The following VPS54 variants were observed in gnomAD, a reference collection of about 807,000 sequenced individuals.
VPS54 encodes the protein vacuolar protein sorting-associated protein 54.
A neutral mutation model predicts 121.5 loss-of-function variants in VPS54; 45 were observed. That is an observed-to-expected ratio of 0.37 (90% CI 0.29 to 0.47). The LOEUF is 0.47. Ranked by LOEUF, VPS54 falls within the 20% of genes least tolerant of loss-of-function variation. The pLI is 0.99. For missense variants in VPS54, 1,090 were observed against 1,131.4 expected, an observed-to-expected ratio of 0.96 and a Z score of 0.52; for synonymous variants, 371 against 385.8, an observed-to-expected ratio of 0.96 and a Z score of 0.45.
intron 11 of VPS54, among the ~76,000 whole-genome samples, chr2:63,941,469 C>A (rs1343476778): frequency 6.6e-6 from 1 of 152,176 alleles, no homozygotes; most frequent in African/African-American, 2.4e-5. Context: ...TCAAGTGATC[C>A]TCTTGCCTTG....
chr2:64,002,468 G>A (rs1677930744), intron 1 of VPS54, among the ~76,000 whole-genome samples: 1 of 152,184 alleles, frequency 6.6e-6, no homozygotes, highest in Non-Finnish European at 1.5e-5. Flanking sequence ...GAAGTGTTAA[G>A]CCACAGACAT....
intron 1 of VPS54, among the ~76,000 whole-genome samples, chr2:64,008,375 T>C (rs549606073): frequency 2.0e-5 from 3 of 150,008 alleles, no homozygotes; most frequent in Admixed American, 6.6e-5. Context: ...GATCATGCCA[T>C]TGAACTCCAG....
chr2:63,903,368 T>C lies in VPS54; in HGVS notation c.2626-3787A>G, dbSNP rs530167970. Among the ~76,000 whole-genome samples, 7 of 152,320 alleles carry C rather than the reference T, an allele frequency of 4.6e-5. 2 individuals carry two copies. Among genetic ancestry groups the C allele is most frequent in the African/African-American group, 1.7e-4 (7 of 41,572 alleles). ...TCAAACAAAAACTGAGATGATTCATTGCTGGCAGATACATTCACAAGAAAT... is the reference window on the plus strand; with the variant it reads ...TCAAACAAAAACTGAGATGATTCATCGCTGGCAGATACATTCACAAGAAAT... On this transcript the variant is annotated intron_variant, in intron 20 of 22. Transcript: ENST00000272322.
At chr2:63,938,756 C>T (rs1254937836) in intron 11 of VPS54, among the ~76,000 whole-genome samples, 2 of 152,184 alleles carry the variant, frequency 1.3e-5, no homozygotes, top group African/African-American at 2.4e-5. Context: ...TGAGCCACCA[C>T]GCCAGGCCCA....
chr2:64,010,170 T>C (rs1023985108), intron 1 of VPS54, among the ~76,000 whole-genome samples: 10 of 152,186 alleles, frequency 6.6e-5, no homozygotes, highest in Non-Finnish European at 1.0e-4. Context: ...AATGAACTTT[T>C]TTAAAAAAAG....
At chr2:63,972,985 T>C (rs17562423) in intron 3 of VPS54, among the ~76,000 whole-genome samples, 17,773 of 151,006 alleles carry the variant, frequency 0.12, 1,189 homozygotes, top group Middle Eastern at 0.15. Context: ...CCACTAACAA[T>C]GTCATTATCT....
At chr2:63,950,704 G>A (rs1171456999) in intron 7 of VPS54, among the ~76,000 whole-genome samples, 1 of 152,162 alleles carries the variant, frequency 6.6e-6, no homozygotes, top group Non-Finnish European at 1.5e-5. Flanking sequence ...GCACAAAACA[G>A]TAAGAGATAG....
intron 2 of VPS54, among the ~76,000 whole-genome samples, chr2:63,983,634 G>T (rs1446472299): frequency 1.3e-5 from 2 of 150,030 alleles, no homozygotes; most frequent in African/African-American, 4.9e-5. Context: ...AGTAGAGACA[G>T]GGTTTCACCA....
chr2:63,966,035 C>G (rs550611893), intron 5 of VPS54, 69 bp from the exon 6 acceptor site: 292 of 1,462,456 alleles, frequency 2.0e-4, no homozygotes, highest in Non-Finnish European at 2.5e-4. Context: ...CTTCTAACAT[C>G]ATGATCATTA....
intron 4 of VPS54, among the ~76,000 whole-genome samples, chr2:63,971,818 C>G (rs1217485028): frequency 6.6e-6 from 1 of 152,146 alleles, no homozygotes; most frequent in Non-Finnish European, 1.5e-5. Flanking sequence ...CACTACGTTA[C>G]TGTTCTCAAA....
At chr2:64,006,683 T>G (rs896747796) in intron 1 of VPS54, among the ~76,000 whole-genome samples, 1 of 152,078 alleles carries the variant, frequency 6.6e-6, no homozygotes, top group Non-Finnish European at 1.5e-5. Flanking sequence ...AGTGGTGCAA[T>G]CGCGGCTTCA....
rs1403212911 is a variant in VPS54 at position 63,944,630 on chromosome 2, G to A, written c.1271C>T (p.Thr424Ile). The change falls in exon 10 of 23, where the codon ACA (threonine) becomes ATA (isoleucine). Residue 424 changes from threonine to isoleucine, a missense_variant. This residue lies in a region of VPS54 where 801 missense variants were observed against 757.0 expected (regional missense o/e 1.06). Transcript: ENST00000272322. ...KQCVINKVSQ[T>I]EEIDTDVVVK... ...AACAACATCTGTGTCTATTTCTTCT[G>A]TTTGTGAAACTTTATTAATCACACA... is the stretch of plus-strand genomic sequence containing the variant. 6 of 1,608,994 alleles carry A rather than the reference G, an allele frequency of 3.7e-6. No homozygotes were observed. Among genetic ancestry groups the A allele is most frequent in the Non-Finnish European group, 5.1e-6 (6 of 1,178,094 alleles).
intron 12 of VPS54, among the ~76,000 whole-genome samples, chr2:63,929,979 T>G (rs1038592005): frequency 4.6e-5 from 7 of 152,168 alleles, no homozygotes; most frequent in Non-Finnish European, 8.8e-5. Context: ...GTTGAATCTC[T>G]GAATAGACCA....
intron 3 of VPS54, chr2:63,975,653 A>T (rs893576408): frequency 6.6e-6 from 1 of 152,158 alleles, no homozygotes; most frequent in African/African-American, 2.4e-5. Flanking sequence ...TGACCTGACC[A>T]ATCAGCACTG....
chr2:63,948,829 A>G (rs894065796), intron 8 of VPS54, among the ~76,000 whole-genome samples: 3 of 152,218 alleles, frequency 2.0e-5, no homozygotes, highest in Non-Finnish European at 4.4e-5. Context: ...TTTCTAATTA[A>G]GCTATACAAT....
intron 1 of VPS54, among the ~76,000 whole-genome samples, chr2:64,018,734 G>A (rs1203366510): frequency 7.2e-6 from 1 of 138,986 alleles, no homozygotes; most frequent in East Asian, 2.0e-4. Context: ...GATCCCGGAG[G>A]GAGAGTGAAA....
At chr2:63,910,566 T>C (rs1389338966) in intron 20 of VPS54, among the ~76,000 whole-genome samples, 1 of 152,198 alleles carries the variant, frequency 6.6e-6, no homozygotes, top group Non-Finnish European at 1.5e-5. Flanking sequence ...AATAGTGTGG[T>C]TATGTAAAAA....
At chr2:64,011,774 C>T (rs1678442815) in intron 1 of VPS54, among the ~76,000 whole-genome samples, 1 of 152,178 alleles carries the variant, frequency 6.6e-6, no homozygotes. Flanking sequence ...GTATTCTCTT[C>T]TTGGTGTCCC....
intron 12 of VPS54, among the ~76,000 whole-genome samples, chr2:63,925,624 T>C (rs1292225362): frequency 6.6e-6 from 1 of 152,196 alleles, no homozygotes; most frequent in African/African-American, 2.4e-5. Context: ...CATACATACA[T>C]TGTGGTGTAT....
Sources: gnomAD v4.1 joint callset for allele counts (sites outside exome capture counted in the v4.1 genomes callset) on GRCh38, gnomAD v4.1.1 for gene constraint, gnomAD v4.1.1 regional missense constraint, MANE v1.5 for transcripts, NCBI Gene and HGNC (gene_info 2026-07-23, HGNC 2026-07-21) for gene names.